DUSP22: variants seen among roughly 807,000 people sequenced by gnomAD.
The protein encoded by DUSP22 is dual specificity protein phosphatase 22.
A neutral mutation model predicts 24.5 loss-of-function variants in DUSP22; 24 were observed. The observed-to-expected ratio is 0.98, with a 90% confidence interval of 0.71 to 1.38. The LOEUF (loss-of-function observed/expected upper bound fraction) is 1.38. Ranked by LOEUF, DUSP22 falls within the 40% of genes most tolerant of loss-of-function variation. The probability of loss-of-function intolerance (pLI) is 0.00; values close to 1 mark genes in which losing one functional copy is unlikely to be tolerated. For synonymous variants in DUSP22, 160 were observed against 106.4 expected (o/e 1.50, Z -3.10); for missense variants, 330 against 269.2 (o/e 1.23, Z -1.58).
rs201316493 is a variant in DUSP22 at position 348,883 on chromosome 6, G to T, written c.550G>T (p.Ala184Ser). 1 of 1,614,184 alleles carries T rather than the reference G, an allele frequency of 6.2e-7. No homozygotes were observed. Among genetic ancestry groups the T allele is most frequent in the Non-Finnish European group, 8.5e-7 (1 of 1,180,008 alleles). ...AGGGCGCACAGAGCCCCAGCCCGGC[G>T]CCAGGCGGTGGAGCAGTTTTCCGGC... ...EQGRTEPQPGARRWSSFPALA... is the reference protein window; with the variant it reads ...EQGRTEPQPGSRRWSSFPALA... The change falls in exon 7 of 7, where the codon GCC becomes TCC. Residue 184 changes from alanine to serine, a missense_variant. Ala to Ser is a moderately conservative substitution (Grantham distance 99). Coordinates refer to ENST00000419235, the MANE Select transcript of DUSP22 (RefSeq NM_001286555.3).
chr6:299,166 C>T (rs1757472015), intron 1 of DUSP22, among the ~76,000 whole-genome samples: 1 of 152,304 alleles, frequency 6.6e-6, no homozygotes, highest in African/African-American at 2.4e-5. Context: ...CCAACTTGTC[C>T]TTGCTTTCTA....
intron 4 of DUSP22, chr6:338,102 T>A (rs1165570624): frequency 6.6e-6 from 1 of 152,492 alleles, no homozygotes; most frequent in Non-Finnish European, 1.5e-5. Flanking sequence ...GTGGACACTC[T>A]GCTGTTGGGA....
intron 1 of DUSP22, among the ~76,000 whole-genome samples, chr6:303,467 A>G (rs1490630273): frequency 6.6e-6 from 1 of 152,304 alleles, no homozygotes; most frequent in Non-Finnish European, 1.5e-5. Flanking sequence ...GTTTTTAGCG[A>G]GGCAGCCGGT....
intron 3 of DUSP22, among the ~76,000 whole-genome samples, chr6:322,053 T>C (rs1228143158): frequency 6.6e-6 from 1 of 152,304 alleles, no homozygotes; most frequent in Non-Finnish European, 1.5e-5. Context: ...AGTATCACAG[T>C]GTATCTACAT....
chr6:347,094 G>T (rs1454979689), intron 5 of DUSP22, among the ~76,000 whole-genome samples: 1 of 152,302 alleles, frequency 6.6e-6, no homozygotes, highest in South Asian at 2.1e-4. Context: ...ATACCTTGGG[G>T]GTTCAATTGG....
intron 3 of DUSP22, among the ~76,000 whole-genome samples, chr6:314,107 G>A (rs1457306059): frequency 6.6e-6 from 1 of 152,310 alleles, no homozygotes; most frequent in Non-Finnish European, 1.5e-5. Flanking sequence ...CTGATCCCGG[G>A]AGAGAAATGG....
At chr6:331,699 CAT>C (rs1211958403) in intron 3 of DUSP22, among the ~76,000 whole-genome samples, 3 of 152,422 alleles carry the variant, frequency 2.0e-5, no homozygotes, top group South Asian at 2.1e-4. Context: ...GAATTGTACA[CAT>C]GTGCAGGTAT....
intron 3 of DUSP22, among the ~76,000 whole-genome samples, chr6:314,699 G>A (rs896369225): frequency 2.6e-5 from 4 of 152,302 alleles, no homozygotes; most frequent in Non-Finnish European, 4.4e-5. Flanking sequence ...ACATGTATCA[G>A]CCTTTGTGAG....
intron 1 of DUSP22, among the ~76,000 whole-genome samples, chr6:301,880 G>C (rs1261643318): frequency 6.6e-6 from 1 of 152,302 alleles, no homozygotes; most frequent in Non-Finnish European, 1.5e-5. Context: ...TACAACATTA[G>C]AATGTAGAGA....
chr6:299,726 T>C (rs1473345642), intron 1 of DUSP22, among the ~76,000 whole-genome samples: 1 of 152,306 alleles, frequency 6.6e-6, no homozygotes, highest in East Asian at 1.9e-4. Context: ...TTTAAGAAGT[T>C]GCCTCCTCAG....
intron 1 of DUSP22, among the ~76,000 whole-genome samples, chr6:302,988 C>A (rs531528132): frequency 4.0e-4 from 61 of 152,406 alleles, no homozygotes; most frequent in African/African-American, 1.2e-3. Flanking sequence ...TGGACTCGGT[C>A]GGGCAAGGAC....
intron 4 of DUSP22, among the ~76,000 whole-genome samples, chr6:344,280 A>G (rs142122627): frequency 9.0e-4 from 136 of 151,672 alleles, no homozygotes; most frequent in African/African-American, 3.3e-3. Context: ...TTTAGAACTT[A>G]GTTCTATTAT....
intron 3 of DUSP22, among the ~76,000 whole-genome samples, chr6:332,295 T>C (rs1759174701): frequency 6.6e-6 from 1 of 152,308 alleles, no homozygotes; most frequent in Non-Finnish European, 1.5e-5. Context: ...TTTGTTCCTC[T>C]TCAGAGGATT....
chr6:318,472 C>T (rs1346145864), intron 3 of DUSP22, among the ~76,000 whole-genome samples: 2 of 152,306 alleles, frequency 1.3e-5, no homozygotes, highest in African/African-American at 4.8e-5. Flanking sequence ...GGCTGACATG[C>T]AGGCCATCAC....
At chr6:302,776 GCA>G (rs1757643350) in intron 1 of DUSP22, among the ~76,000 whole-genome samples, 1 of 152,308 alleles carries the variant, frequency 6.6e-6, no homozygotes, top group African/African-American at 2.4e-5. Context: ...GGTTAAGCCA[GCA>G]AGGAAGACTC....
Position 350,638 on chromosome 6 carries a change from A to C in DUSP22, c.*1687A>C. The C allele has an allele frequency of 1.3e-6, 2 of 1,482,100 alleles. No individual in the cohort carries two copies. The highest frequency in any genetic ancestry group is 1.8e-6 in the Non-Finnish European group (2 of 1,117,476). 91.8% of individuals were successfully genotyped at this position (1,482,100 alleles called of 1,614,324 possible). A position where few individuals can be genotyped will look rare whatever the true frequency, so the allele number is the denominator to read the frequency against. The stretch of plus-strand genomic sequence containing the variant: ...TAGAATCATCCATCCGTCTACAGCT[A>C]AAACAATTTGCCAATAAAGTACATG... On this transcript the variant is annotated 3_prime_UTR_variant, in exon 7 of 7. Coordinates refer to ENST00000419235, the MANE Select transcript of DUSP22 (RefSeq NM_001286555.3).
chr6:292,947 C>A (rs985125059), intron 1 of DUSP22, among the ~76,000 whole-genome samples: 2 of 152,302 alleles, frequency 1.3e-5, no homozygotes, highest in Non-Finnish European at 2.9e-5. Context: ...CACCGCCCCC[C>A]CCACATCATT....
intron 3 of DUSP22, among the ~76,000 whole-genome samples, chr6:313,691 T>G (rs1758211270): frequency 6.6e-6 from 1 of 152,424 alleles, no homozygotes; most frequent in South Asian, 2.1e-4. Flanking sequence ...AATAAGTACT[T>G]CCATGTGATT....
In DUSP22 at chr6:351,316, C is replaced by CT. The variant is rs1163647974; in HGVS notation, c.*2366dup. Reference sequence around the variant, plus strand: ...TCCGTGGTGGAATTGACCGAAAGCTCTATGTTTTCGTTAATAAAGGGCAAC... The same window carrying CT: ...TCCGTGGTGGAATTGACCGAAAGCTCTTATGTTTTCGTTAATAAAGGGCAAC... On this transcript the variant is annotated 3_prime_UTR_variant, in exon 7 of 7. Transcript: ENST00000419235. 2 of 175,614 alleles carry CT rather than the reference C, an allele frequency of 1.1e-5. No individual in the cohort carries two copies. The highest frequency in any genetic ancestry group is 3.2e-4 in the East Asian group (2 of 6,284). The allele number at this position is 175,614 out of a possible 1,614,324, so 10.9% of individuals were successfully genotyped here.
Sources: gnomAD v4.1 joint callset for allele counts (sites outside exome capture counted in the v4.1 genomes callset) on GRCh38, gnomAD v4.1.1 for gene constraint, MANE v1.5 for transcripts, NCBI Gene and HGNC (gene_info 2026-07-23, HGNC 2026-07-21) for gene names.